The following NBPF14 variants were observed in gnomAD, a reference collection of about 807,000 sequenced individuals.
The protein encoded by NBPF14 is NBPF family member NBPF14.
A neutral mutation model predicts 91.2 loss-of-function variants in NBPF14; 104 were observed. The ratio of observed to expected loss-of-function variants is 1.14; its 90% CI spans 0.97 to 1.34. NBPF14 has a LOEUF of 1.34. NBPF14 is among the 40% of genes most tolerant of loss of function. NBPF14 has a pLI of 0.00. For missense variants in NBPF14, 908 were observed against 783.0 expected (o/e 1.16, Z -1.91); for synonymous variants, 294 against 303.8 (o/e 0.97, Z 0.34).
chr1:148,569,617 CAGACAG>C (rs1432883456), intron 24 of NBPF14, among the ~76,000 whole-genome samples, 190 bp from the exon 25 acceptor site: 1 of 32,702 alleles, frequency 3.1e-5, no homozygotes, highest in African/African-American at 2.4e-4. Flanking sequence ...AAGAGAGAGA[CAGACAG>C]AGACAGAGAC....
rs1386087832 is a variant in NBPF14, at chr1:148,586,888, G to A, written c.1091+413C>T. Among the ~76,000 whole-genome samples, 2 of 142,236 alleles carry A rather than the reference G, an allele frequency of 1.4e-5. 1 individual carries two copies. The highest frequency in any genetic ancestry group is 3.1e-5 in the Non-Finnish European group (2 of 63,880). The allele number at this position is 142,236 out of a possible 152,430, so 93.3% of individuals were successfully genotyped here. A position where few individuals can be genotyped will look rare whatever the true frequency, so the allele number is the denominator to read the frequency against. ...GGGGCGAATTGAAAAGATGAAAGAA[G>A]AAAAGAATGACAGGGTCGAGGAGGC... On this transcript the variant is annotated intron_variant, in intron 8 of 70. Transcript: ENST00000619423.
intron 68 of NBPF14, 25 bp from the exon 69 acceptor site, chr1:148,534,881 A>C (rs1442375613): frequency 8.8e-5 from 67 of 760,732 alleles, no homozygotes; most frequent in Non-Finnish European, 1.5e-4. Context: ...AAAAGTAAAG[A>C]ATAAGCCAGG....
Position 148,590,109 on chromosome 1 carries a change from C to G in NBPF14, c.778+648G>C, listed in dbSNP as rs1483603174. Among the ~76,000 whole-genome samples the G allele has an allele frequency of 1.7e-5, 2 of 120,492 alleles. 1 individual carries two copies. The highest frequency in any genetic ancestry group is 3.5e-5 in the Non-Finnish European group (2 of 57,510). The allele number at this position is 120,492 out of a possible 152,430, so 79.0% of individuals were successfully genotyped here. A position where few individuals can be genotyped will look rare whatever the true frequency, so the allele number is the denominator to read the frequency against. On this transcript the variant is annotated intron_variant, in intron 6 of 70. Transcript: ENST00000619423. ...TGTCTCCCAGGCTGGAGTGCAGTGG[C>G]ACAATCTCGGCTCACTGCAAGCTCC...
chr1:148,533,391 G>A (rs1198484438), intron 70 of NBPF14, 143 bp from the exon 71 acceptor site: 11 of 585,228 alleles, frequency 1.9e-5, no homozygotes, highest in African/African-American at 1.4e-4. Flanking sequence ...AAAATTTATT[G>A]CCTTTATGTT....
rs1396791874 is a variant in NBPF14 at position 148,591,120 on chromosome 1, TTC to T, written c.567-154_567-153del. Among the ~76,000 whole-genome samples the T allele has an allele frequency of 1.4e-5, 2 of 146,806 alleles. 1 individual carries two copies. The highest frequency in any genetic ancestry group is 3.0e-5 in the Non-Finnish European group (2 of 65,582). On this transcript the variant is annotated intron_variant, in intron 5 of 70. Transcript: ENST00000619423. Reference sequence around the variant, plus strand: ...CTTAAAGAGGGAACAGGCAATCCTCTTCTCTCTGCAACAGACCATGGCTGCCA... The same window carrying T: ...CTTAAAGAGGGAACAGGCAATCCTCTTCTCTGCAACAGACCATGGCTGCCA...
chr1:148,593,419 G>A lies in NBPF14; in HGVS notation c.278+179C>T. ...GAAAACAAGGCTCTAAGAAACAACT[G>A]CAACAGAGAACTTATTATTATCCTT... On this transcript the variant is annotated intron_variant, in intron 3 of 70. Transcript: ENST00000619423. Among the ~76,000 whole-genome samples, 2 of 148,216 alleles carry A rather than the reference G, an allele frequency of 1.3e-5. 1 individual carries two copies. Among genetic ancestry groups the A allele is most frequent in the Non-Finnish European group, 3.0e-5 (2 of 66,288 alleles).
At position 148,559,894 on chromosome 1, in the gene NBPF14, G is replaced by T; in HGVS notation, c.4628C>A (p.Thr1543Asn). The change falls in exon 37 of 71, where the codon ACT becomes AAT. Residue 1543 changes from threonine (T) to asparagine (N), a missense_variant. Physicochemically the swap from Thr to Asn is moderately conservative, Grantham distance 65 (BLOSUM62 0). Around this residue, in one of 13 missense-constraint regions of NBPF14, gnomAD observed 447 missense variants for 189.1 expected, o/e 2.36. Coordinates refer to ENST00000619423, the Ensembl canonical transcript of NBPF14. ...AGTCAGTTCAAGACAACCTGAAGGA[G>T]TTGAATAACATCTATCCAGTGAGTC... 2 of 1,287,838 alleles carry T rather than the reference G, an allele frequency of 1.6e-6. 1 individual carries two copies. The allele number at this position is 1,287,838 out of a possible 1,614,324, so 79.8% of individuals were successfully genotyped here. A position where few individuals can be genotyped will look rare whatever the true frequency, so the allele number is the denominator to read the frequency against.
chr1:148,535,118 G>T (rs1263095401), intron 68 of NBPF14, among the ~76,000 whole-genome samples: 31 of 146,494 alleles, frequency 2.1e-4, no homozygotes, highest in Non-Finnish European at 4.0e-4. Flanking sequence ...TGATGAAGGG[G>T]TCAAAGGACA....
intron 9 of NBPF14, among the ~76,000 whole-genome samples, chr1:148,585,590 GCAGA>G (rs1467366849): frequency 2.0e-5 from 3 of 149,620 alleles, no homozygotes; most frequent in Admixed American, 6.6e-5. Flanking sequence ...TCTCTTAGAA[GCAGA>G]CAAACTTGTC....
intron 34 of NBPF14, among the ~76,000 whole-genome samples, chr1:148,561,910 G>C (rs1459659964): frequency 6.3e-5 from 8 of 127,436 alleles, no homozygotes; most frequent in Non-Finnish European, 1.2e-4. Flanking sequence ...CTCTGAGTTA[G>C]TGCCCTCAGG....
In NBPF14 at chr1:148,557,622, C is replaced by A. The variant is rs1186660865; in HGVS notation, c.4955-80G>T. 28 of 575,502 alleles carry A rather than the reference C, an allele frequency of 4.9e-5. 1 individual carries two copies. The highest frequency in any genetic ancestry group is 7.5e-5 in the Non-Finnish European group (25 of 333,974). The allele number at this position is 575,502 out of a possible 1,614,324, so 35.6% of individuals were successfully genotyped here. A position where few individuals can be genotyped will look rare whatever the true frequency, so the allele number is the denominator to read the frequency against. On this transcript the variant is annotated intron_variant, in intron 39 of 70. Transcript: ENST00000619423. ...AACAGTCCACTGTCTAATCCCCACA[C>A]AGGGATCTCAGGCTCCTCAGCATGA...
At chr1:148,566,360 A>G (rs1254494779) in intron 28 of NBPF14, 45 bp from the exon 29 acceptor site, 17 of 753,844 alleles carry the variant, frequency 2.3e-5, no homozygotes, top group Non-Finnish European at 3.6e-5. Context: ...GGGAAATCAG[A>G]CACAACAGAG....
chr1:148,533,929 T>A, exon 70 of NBPF14: 3 of 743,616 alleles, frequency 4.0e-6, no homozygotes, highest in East Asian at 4.9e-5. Flanking sequence ...TCTTTGATCT[T>A]CTTCCCCTTC....
At position 148,580,839 on chromosome 1, in the gene NBPF14, T is replaced by G. The variant is rs1373717496; in HGVS notation, c.1638-1602A>C. On this transcript the variant is annotated intron_variant, in intron 12 of 70. Transcript: ENST00000619423. ...TATGTATAGTTTTCCTTTATTATTTTTTGTGTGTATGTATATATATATATT... is the reference window on the plus strand; with the variant it reads ...TATGTATAGTTTTCCTTTATTATTTGTTGTGTGTATGTATATATATATATT... Among the ~76,000 whole-genome samples, 3 of 114,374 alleles carry G rather than the reference T, an allele frequency of 2.6e-5. 1 individual carries two copies. The highest frequency in any genetic ancestry group is 3.7e-5 in the Non-Finnish European group (2 of 54,184). The allele number at this position is 114,374 out of a possible 152,430, so 75.0% of individuals were successfully genotyped here.
intron 28 of NBPF14, among the ~76,000 whole-genome samples, 191 bp from the exon 29 acceptor site, chr1:148,566,506 C>CAGAT (rs1295532109): frequency 1.1e-5 from 1 of 93,614 alleles, no homozygotes; most frequent in South Asian, 3.7e-4. Context: ...AAGAGAAAGA[C>CAGAT]AGACACACAC....
rs1387122454 is a variant in NBPF14 at position 148,572,729 on chromosome 1, C to T, written c.2586-114G>A. The T allele has an allele frequency of 4.1e-5, 25 of 605,132 alleles. 4 individuals are homozygous for T. Among genetic ancestry groups the T allele is most frequent in the Non-Finnish European group, 7.2e-5 (25 of 345,620 alleles). The allele number at this position is 605,132 out of a possible 1,614,324, so 37.5% of individuals were successfully genotyped here. A position where few individuals can be genotyped will look rare whatever the true frequency, so the allele number is the denominator to read the frequency against. Reference sequence around the variant, plus strand: ...AGTTTGAAAAGAAAAAGGACAGATCCATTAATGAGGTAACAAATTATTGCC... The same window carrying T: ...AGTTTGAAAAGAAAAAGGACAGATCTATTAATGAGGTAACAAATTATTGCC... On this transcript the variant is annotated intron_variant, in intron 20 of 70. Transcript: ENST00000619423.
At chr1:148,590,013 G>C (rs1662192911) in intron 6 of NBPF14, among the ~76,000 whole-genome samples, 1 of 141,250 alleles carries the variant, frequency 7.1e-6, no homozygotes, top group Non-Finnish European at 1.6e-5. Context: ...ATTAAGATGT[G>C]AGCCAGCGCC....
At chr1:148,559,688 G>A (rs1334145820) in intron 37 of NBPF14, 105 bp downstream of exon 37, 2 of 683,164 alleles carry the variant, frequency 2.9e-6, no homozygotes, top group East Asian at 3.0e-5. Context: ...GGTCCTCCCT[G>A]TGGCAATGAC....
intron 20 of NBPF14, among the ~76,000 whole-genome samples, chr1:148,572,839 CAGAG>C (rs1248381237): frequency 5.0e-5 from 2 of 40,172 alleles, no homozygotes; most frequent in Non-Finnish European, 8.8e-5. Flanking sequence ...GAGACAGAGA[CAGAG>C]AGAAAGTGAC....
Sources: gnomAD v4.1 joint callset for allele counts (sites outside exome capture counted in the v4.1 genomes callset) on GRCh38, gnomAD v4.1.1 for gene constraint, gnomAD v4.1.1 regional missense constraint, MANE v1.5 for transcripts, NCBI Gene and HGNC (gene_info 2026-07-23, HGNC 2026-07-21) for gene names.